The following UBA1 variants were observed in gnomAD, a reference collection of about 807,000 sequenced individuals.
UBA1 encodes ubiquitin-like modifier-activating enzyme 1.
A neutral mutation model predicts 84.7 loss-of-function variants in UBA1; 4 were observed. The ratio of observed to expected loss-of-function variants is 0.05; its 90% CI spans 0.02 to 0.11. The LOEUF (loss-of-function observed/expected upper bound fraction) is 0.11. Ranked by LOEUF, UBA1 falls within the 10% of genes least tolerant of loss-of-function variation. The pLI is 1.00. For synonymous variants in UBA1, 364 were observed against 362.6 expected (o/e 1.00, Z -0.04); for missense variants, 513 against 902.8 (o/e 0.57, Z 5.53).
chrX:47,209,514 A>C, intron 16 of UBA1, 109 bp from the exon 17 acceptor site: 1 of 714,734 alleles, frequency 1.4e-6, no homozygotes, highest in Non-Finnish European at 2.2e-6. Flanking sequence ...CTTCCAGAGT[A>C]GCTGTGCGCC....
intron 1 of UBA1, chrX:47,197,048 G>A (rs1246624722): frequency 1.4e-6 from 1 of 712,076 alleles, no homozygotes; most frequent in South Asian, 7.2e-5. Context: ...TCAGTAAATG[G>A]AAAATATGGT....
intron 1 of UBA1, among the ~76,000 whole-genome samples, 192 bp downstream of exon 1, chrX:47,194,216 G>A (rs1936116900): frequency 3.6e-5 from 4 of 111,766 alleles, no homozygotes; most frequent in Non-Finnish European, 5.7e-5. Flanking sequence ...GGCTCCCTCT[G>A]GTTGCAAAAT....
chrX:47,207,582 T>C (rs1936728146), intron 16 of UBA1, among the ~76,000 whole-genome samples: 1 of 111,512 alleles, frequency 9.0e-6, no homozygotes, highest in South Asian at 3.7e-4. Flanking sequence ...ACCTAGGGAT[T>C]ACCATTGTGC....
At chrX:47,207,141 C>T (rs894213580) in intron 16 of UBA1, among the ~76,000 whole-genome samples, 20 of 112,203 alleles carry the variant, frequency 1.8e-4, no homozygotes, top group Middle Eastern at 9.1e-3. Flanking sequence ...CTTACCATCT[C>T]TTCTAGTTAT....
chrX:47,196,374 C>T (rs893006212), intron 1 of UBA1, among the ~76,000 whole-genome samples: 6 of 111,315 alleles, frequency 5.4e-5, no homozygotes, highest in African/African-American at 1.3e-4. Context: ...TCCTGCTAAC[C>T]TGCCTCCTCT....
chrX:47,192,613 G>A (rs1936084746), upstream of UBA1, among the ~76,000 whole-genome samples: 1 of 111,082 alleles, frequency 9.0e-6, no homozygotes, highest in Admixed American at 9.6e-5. Context: ...TGTTTGAGAC[G>A]GAGTTTCTCT....
In UBA1 at chrX:47,200,915, C is replaced by T. The variant is rs782177423; in HGVS notation, c.502C>T (p.Pro168Ser). Reference protein sequence around the residue: ...GFQVVVLTNTPLEDQLRVGEF... With the variant: ...GFQVVVLTNTSLEDQLRVGEF... ...ACAGGTGGTGGTGCTCACCAACACCCCCCTGGAGGACCAGCTGCGAGTGGG... is the reference window on the plus strand; with the variant it reads ...ACAGGTGGTGGTGCTCACCAACACCTCCCTGGAGGACCAGCTGCGAGTGGG... Residue 168 changes from proline (P) to serine (S), a missense_variant, in exon 6 of 26, where the codon CCC (proline) becomes TCC (serine). By Grantham distance (74) the Pro-to-Ser change is moderately conservative. This residue lies in a region of UBA1 where 227 missense variants were observed against 339.1 expected (regional missense o/e 0.67). Transcript: ENST00000335972. The T allele has an allele frequency of 5.5e-5, 66 of 1,199,192 alleles. No individual in the cohort carries two copies. In the South Asian group the frequency reaches 1.1e-3, roughly 19 times the overall value.
chrX:47,210,669 TCAACCTGTGGGA>T (rs1936878508), intron 18 of UBA1, among the ~76,000 whole-genome samples, 161 bp from the exon 19 acceptor site: 1 of 111,761 alleles, frequency 8.9e-6, no homozygotes, highest in Non-Finnish European at 1.9e-5. Flanking sequence ...GATCTCTGGT[TCAACCTGTGGGA>T]CCCTACAGTT....
Position 47,212,813 on chromosome X carries a change from T to C in UBA1, c.2596T>C (p.Ser866Pro). 8.3e-7 allele frequency: 1 copy of C among 1,211,687 alleles called. No homozygotes were observed. Among genetic ancestry groups the C allele is most frequent in the Non-Finnish European group, 1.1e-6 (1 of 895,487 alleles). The change falls in exon 22 of 26, where the codon TCC becomes CCC. Residue 866 changes from serine (S) to proline (P), a missense_variant. By Grantham distance (74) the Ser-to-Pro change is moderately conservative. Coordinates refer to ENST00000335972, the MANE Select transcript of UBA1 (RefSeq NM_003334.4). ...TCATATGGATTTCATCGTGGCTGCA[T>C]CCAACCTCCGGGCAGAAAACTATGA... The part of the protein sequence containing the change: ...NFHMDFIVAA[S>P]NLRAENYDIP...
At chrX:47,207,239 G>A (rs1321952182) in intron 16 of UBA1, among the ~76,000 whole-genome samples, 2 of 111,817 alleles carry the variant, frequency 1.8e-5, no homozygotes, top group Non-Finnish European at 3.8e-5. Flanking sequence ...ATGATTCTGT[G>A]TGTATGGTGC....
chrX:47,210,672 A>G (rs1602653782), intron 18 of UBA1, among the ~76,000 whole-genome samples, 170 bp from the exon 19 acceptor site: 1 of 111,590 alleles, frequency 9.0e-6, no homozygotes, highest in African/African-American at 3.3e-5. Context: ...CTCTGGTTCA[A>G]CCTGTGGGAC....
At position 47,214,778 on chromosome X, in the gene UBA1, A is replaced by G. The variant is rs1937077796; in HGVS notation, c.3042-16A>G. 8.3e-7 allele frequency: 1 copy of G among 1,207,678 alleles called. No homozygotes were observed. Among genetic ancestry groups the G allele is most frequent in the Non-Finnish European group, 1.1e-6 (1 of 895,001 alleles). Reference sequence around the variant, plus strand: ...TCTGCCCTCCTGACCCTATACTCCCATCCCCCTATCCCCAGGATGACAGAG... The same window carrying G: ...TCTGCCCTCCTGACCCTATACTCCCGTCCCCCTATCCCCAGGATGACAGAG... On this transcript the variant is annotated splice_polypyrimidine_tract_variant and intron_variant, in intron 25 of 25. Coordinates refer to ENST00000335972, the MANE Select transcript of UBA1 (RefSeq NM_003334.4).
chrX:47,202,511 G>A lies in UBA1; in HGVS notation c.1056+7G>A, dbSNP rs1556788672. 1 of 1,200,599 alleles carries A rather than the reference G, an allele frequency of 8.3e-7. No homozygotes were observed. The highest frequency in any genetic ancestry group is 1.1e-6 in the Non-Finnish European group (1 of 889,844). On this transcript the variant is annotated splice_region_variant and intron_variant, in intron 10 of 25. Transcript: ENST00000335972. The stretch of plus-strand genomic sequence containing the variant: ...ACCTCGGCCCCGCAATGAGGTGGGT[G>A]AGTGGGCGAGCCAGCCAGCGCAGAC...
Position 47,215,027 on chromosome X carries a change from C to T in UBA1, c.*98C>T. ...GGCTTCTGGCAGTGGCCCAACTAGC[C>T]AAGTCTGGTGTTCCCTCATCATCCC... is the stretch of plus-strand genomic sequence containing the variant. On this transcript the variant is annotated 3_prime_UTR_variant, in exon 26 of 26. Coordinates refer to ENST00000335972, the MANE Select transcript of UBA1 (RefSeq NM_003334.4). 1 of 1,133,007 alleles carries T rather than the reference C, an allele frequency of 8.8e-7. No individual in the cohort carries two copies. Among genetic ancestry groups the T allele is most frequent in the Non-Finnish European group, 1.2e-6 (1 of 835,674 alleles). The allele number at this position is 1,133,007 out of a possible 1,213,427, so 93.4% of individuals were successfully genotyped here.
upstream of UBA1, chrX:47,191,094 G>C (rs1215937248): frequency 2.7e-5 from 3 of 111,408 alleles, no homozygotes; most frequent in African/African-American, 9.8e-5. Context: ...CTGCTTTTGA[G>C]ACCCTTAAGG....
rs201884862 is a variant in UBA1 at position 47,214,478 on chromosome X, C to G, written c.2940+50C>G. The G allele has an allele frequency of 1.0e-4, 121 of 1,196,746 alleles. No homozygotes were observed. In the African/African-American group the frequency reaches 2.0e-3, roughly 19 times the overall value. On this transcript the variant is annotated intron_variant, in intron 24 of 25. Transcript: ENST00000335972. ...ACCCCACCTCAGGGGGCGAGGTGTACACGGTGACTTGCTGGCCTGTCCACC... is the reference window on the plus strand; with the variant it reads ...ACCCCACCTCAGGGGGCGAGGTGTAGACGGTGACTTGCTGGCCTGTCCACC...
chrX:47,199,175 A>G (rs1343362563), intron 3 of UBA1, 34 bp from the exon 4 acceptor site: 36 of 1,210,910 alleles, frequency 3.0e-5, no homozygotes, highest in South Asian at 1.1e-4. Context: ...TGGGTGGGGC[A>G]GGCCCTGACC....
At chrX:47,193,029 TG>T (rs1437208486), upstream of UBA1, among the ~76,000 whole-genome samples, 17 of 109,382 alleles carry the variant, frequency 1.6e-4, no homozygotes, top group African/African-American at 5.3e-4. Flanking sequence ...AGAGGGGAGG[TG>T]GGGGCAGGGA....
intron 1 of UBA1, 58 bp from the exon 2 acceptor site, chrX:47,198,745 A>C: frequency 1.8e-6 from 2 of 1,118,308 alleles, no homozygotes; most frequent in South Asian, 3.6e-5. Flanking sequence ...TGCTACTAAC[A>C]AACAGAAAAA....
Sources: gnomAD v4.1 joint callset for allele counts (sites outside exome capture counted in the v4.1 genomes callset) on GRCh38, gnomAD v4.1.1 for gene constraint, gnomAD v4.1.1 regional missense constraint, MANE v1.5 for transcripts, NCBI Gene and HGNC (gene_info 2026-07-23, HGNC 2026-07-21) for gene names.